Variants in MYH11 observed in about 807,000 individuals in gnomAD.
MYH11 encodes the protein myosin-11.
Under a neutral mutation model 246.6 loss-of-function variants are expected in MYH11, and 80 were observed. The ratio of observed to expected loss-of-function variants is 0.32; its 90% confidence interval spans 0.27 to 0.39. MYH11 has a LOEUF of 0.39. Among genes scored for constraint, MYH11 ranks in the 10% least tolerant of loss-of-function variants. MYH11 has a pLI of 1.00. For missense variants in MYH11, 2,158 were observed against 2,546.8 expected, an observed-to-expected ratio of 0.85 and a Z score of 3.29; for synonymous variants, 1,071 against 1,015.5, an observed-to-expected ratio of 1.05 and a Z score of -1.04.
intron 40 of MYH11, chr16:15,714,629 G>A (rs1400507224): frequency 3.5e-6 from 2 of 565,356 alleles, no homozygotes; most frequent in Non-Finnish European, 6.4e-6. Context: ...GAGACAGTGG[G>A]GATAGCCTCT....
intron 9 of MYH11, among the ~76,000 whole-genome samples, chr16:15,767,885 G>A (rs2042017752): frequency 6.6e-6 from 1 of 151,484 alleles, no homozygotes; most frequent in South Asian, 2.1e-4. Flanking sequence ...CTCCCTCAGT[G>A]CCTCCAGGAG....
At chr16:15,704,621 A>G (rs2039350123) in intron 40 of MYH11, among the ~76,000 whole-genome samples, 1 of 152,188 alleles carries the variant, frequency 6.6e-6, no homozygotes. Flanking sequence ...TTGAATTGGA[A>G]GAAGGTGAAA....
chr16:15,753,921 G>A (rs1197423618), intron 14 of MYH11, among the ~76,000 whole-genome samples: 1 of 152,028 alleles, frequency 6.6e-6, no homozygotes, highest in Non-Finnish European at 1.5e-5. Flanking sequence ...AATTAAGCAT[G>A]GCAGCCAAGC....
In MYH11 at chr16:15,703,929, T is replaced by C; in HGVS notation, c.*62A>G. On this transcript the variant is annotated 3_prime_UTR_variant, in exon 41 of 41. Coordinates refer to ENST00000300036, the MANE Select transcript of MYH11 (RefSeq NM_002474.3). ...TTTGTTCTGGGTTGTTGTTGGGTTT[T>C]TTTTGTTTGTTTGTTTTGGTTTTTG... The C allele has an allele frequency of 6.4e-7, 1 of 1,574,020 alleles. No individual in the cohort carries two copies. Among genetic ancestry groups the C allele is most frequent in the Non-Finnish European group, 8.7e-7 (1 of 1,147,372 alleles).
intron 28 of MYH11, 174 bp downstream of exon 28, chr16:15,726,674 T>A (rs2040777546): frequency 2.5e-6 from 2 of 803,562 alleles, no homozygotes; most frequent in African/African-American, 1.7e-5. Flanking sequence ...GGCCAGAAGG[T>A]TTTTTTAATA....
At chr16:15,852,491 C>A (rs1021965703) in intron 1 of MYH11, among the ~76,000 whole-genome samples, 46 of 151,914 alleles carry the variant, frequency 3.0e-4, no homozygotes, top group African/African-American at 1.1e-3. Flanking sequence ...CACGACCATG[C>A]CCAGATAATT....
chr16:15,795,010 A>T (rs1264895572), intron 4 of MYH11, among the ~76,000 whole-genome samples: 1 of 152,232 alleles, frequency 6.6e-6, no homozygotes, highest in Non-Finnish European at 1.5e-5. Flanking sequence ...GGAGAATCAG[A>T]ACTGCAGGAT....
chr16:15,829,469 T>G (rs755934256), intron 2 of MYH11, among the ~76,000 whole-genome samples: 1 of 152,128 alleles, frequency 6.6e-6, no homozygotes, highest in Non-Finnish European at 1.5e-5. Context: ...GTCGTGGGGC[T>G]TCAGCATCGG....
chr16:15,756,226 G>C, intron 14 of MYH11, 115 bp downstream of exon 14: 2 of 1,184,750 alleles, frequency 1.7e-6, no homozygotes, highest in Non-Finnish European at 1.2e-6. Context: ...CTTAGCAGCA[G>C]ATGGCTTTGC....
chr16:15,781,171 A>G (rs1382973030), intron 6 of MYH11, among the ~76,000 whole-genome samples: 1 of 152,152 alleles, frequency 6.6e-6, no homozygotes, highest in East Asian at 1.9e-4. Context: ...CTCCCAAAGT[A>G]CTGGGACTAC....
intron 2 of MYH11, among the ~76,000 whole-genome samples, chr16:15,834,291 C>A (rs768103126): frequency 2.0e-5 from 3 of 152,016 alleles, no homozygotes; most frequent in Non-Finnish European, 4.4e-5. Flanking sequence ...CTTTGGGAGG[C>A]CGAGGCAAGT....
intron 7 of MYH11, among the ~76,000 whole-genome samples, chr16:15,776,719 T>C (rs2042228840): frequency 6.6e-6 from 1 of 152,224 alleles, no homozygotes; most frequent in South Asian, 2.1e-4. Flanking sequence ...CTGTCTTCCA[T>C]GCCCTCTGTT....
Position 15,715,169 on chromosome 16 carries a change from C to T in MYH11, c.5608G>A (p.Glu1870Lys). ...DERKMAEQYK[E>K]QAEKGNARVK... is the part of the protein sequence containing the mutation. The stretch of plus-strand genomic sequence containing the variant: ...GGCTGGGTGGCAGGGGCTACCTGCT[C>T]CTTGTACTGCTCGGCCATCTTGCGC... Residue 1870 changes from glutamate (E) to lysine (K), a missense_variant, in exon 39 of 41, where the codon GAG (glutamate) becomes AAG (lysine). This residue lies in a region of MYH11 where 1,013 missense variants were observed against 993.5 expected (regional missense o/e 1.02). Coordinates refer to ENST00000300036, the MANE Select transcript of MYH11 (RefSeq NM_002474.3). 1 of 1,613,676 alleles carries T rather than the reference C, an allele frequency of 6.2e-7. No individual in the cohort carries two copies. Among genetic ancestry groups the T allele is most frequent in the Non-Finnish European group, 8.5e-7 (1 of 1,180,014 alleles).
intron 40 of MYH11, among the ~76,000 whole-genome samples, chr16:15,707,493 G>A (rs966363319): frequency 6.6e-6 from 1 of 152,178 alleles, no homozygotes; most frequent in African/African-American, 2.4e-5. Context: ...CAATCAGCTG[G>A]TAGGAGAGCT....
Position 15,778,779 on chromosome 16 carries a change from C to T in MYH11, c.790+1G>A, listed in dbSNP as rs113637980. 6.2e-7 allele frequency: 1 copy of T among 1,614,042 alleles called. No homozygotes were observed. Among genetic ancestry groups the T allele is most frequent in the Non-Finnish European group, 8.5e-7 (1 of 1,179,994 alleles). ...TTGGCCCAGGCTCAGGGAAAGGATACAGGTCTCAATGTTGGCTCCCACGAT... is the reference window on the plus strand; with the variant it reads ...TTGGCCCAGGCTCAGGGAAAGGATATAGGTCTCAATGTTGGCTCCCACGAT... On this transcript the variant is annotated splice_donor_variant, in intron 7 of 40. Coordinates refer to ENST00000300036, the MANE Select transcript of MYH11 (RefSeq NM_002474.3). LOFTEE classifies it high-confidence loss of function.
At chr16:15,777,092 C>CACATGCAGACAT (rs1223237461) in intron 7 of MYH11, among the ~76,000 whole-genome samples, 2,684 of 142,688 alleles carry the variant, frequency 0.019, 86 homozygotes, top group African/African-American at 0.071. Flanking sequence ...CATGGGTATA[C>CACATGCAGACAT]ACACGCACAC....
chr16:15,753,298 G>A, intron 15 of MYH11, 96 bp downstream of exon 15: 1 of 1,070,376 alleles, frequency 9.3e-7, no homozygotes, highest in East Asian at 2.4e-5. Flanking sequence ...CCATGTAAAG[G>A]CCTCCCCTCC....
intron 8 of MYH11, among the ~76,000 whole-genome samples, chr16:15,774,148 C>T (rs1424186950): frequency 6.6e-6 from 1 of 152,222 alleles, no homozygotes; most frequent in African/African-American, 2.4e-5. Context: ...CCAGTTAACT[C>T]AAACTTTTGG....
intron 2 of MYH11, among the ~76,000 whole-genome samples, chr16:15,836,719 C>CTTTTTTTT (rs780997939): frequency 3.2e-5 from 3 of 95,118 alleles, no homozygotes; most frequent in South Asian, 3.5e-4. Flanking sequence ...TTTAATGTTT[C>CTTTTTTTT]TTTTTTTTTT....
Sources: allele counts gnomAD v4.1 joint callset (sites outside exome capture counted in the v4.1 genomes callset), GRCh38; gene constraint gnomAD v4.1.1; regional missense constraint gnomAD v4.1.1; transcripts MANE v1.5; gene names NCBI Gene and HGNC (gene_info 2026-07-23, HGNC 2026-07-21).